The following MAMDC2 variants were observed in gnomAD, a reference collection of about 807,000 sequenced individuals.
MAMDC2 encodes the protein MAM domain containing 2.
Under a neutral mutation model 89.8 loss-of-function variants are expected in MAMDC2, and 57 were observed. That is an observed-to-expected ratio of 0.63 (90% CI 0.51 to 0.79). The LOEUF (loss-of-function observed/expected upper bound fraction) is 0.79. Ranked by LOEUF, MAMDC2 falls within the 30% of genes least tolerant of loss-of-function variation. MAMDC2 has a pLI of 0.00. For missense variants in MAMDC2, 800 were observed against 820.6 expected (o/e 0.97, Z 0.31); for synonymous variants, 313 against 293.4 (o/e 1.07, Z -0.68).
intron 11 of MAMDC2, among the ~76,000 whole-genome samples, chr9:70,213,748 A>G (rs980770616): frequency 2.8e-4 from 4 of 14,128 alleles, no homozygotes; most frequent in African/African-American, 1.6e-3. Flanking sequence ...AAGGTAATGA[A>G]CTCAAAGAAA....
chr9:70,200,659 C>T (rs986763561), intron 11 of MAMDC2, among the ~76,000 whole-genome samples: 23 of 138,276 alleles, frequency 1.7e-4, no homozygotes, highest in African/African-American at 5.1e-4. Context: ...GCCATTTTCA[C>T]GATATTGATT....
chr9:70,198,415 A>G (rs1469767807), intron 11 of MAMDC2, among the ~76,000 whole-genome samples: 1 of 152,068 alleles, frequency 6.6e-6, no homozygotes, highest in African/African-American at 2.4e-5. Context: ...ATATGATACT[A>G]TGCTGTCAGA....
chr9:70,165,846 T>C (rs1057247364), intron 9 of MAMDC2, among the ~76,000 whole-genome samples: 3 of 152,210 alleles, frequency 2.0e-5, no homozygotes, highest in African/African-American at 7.2e-5. Flanking sequence ...CACATGTACC[T>C]AGTGGCTATC....
intron 2 of MAMDC2, among the ~76,000 whole-genome samples, chr9:70,106,731 C>T (rs983762343): frequency 6.6e-6 from 1 of 152,180 alleles, no homozygotes; most frequent in African/African-American, 2.4e-5. Flanking sequence ...GAAGCAATTG[C>T]TATCTGCACC....
intron 7 of MAMDC2, among the ~76,000 whole-genome samples, chr9:70,138,579 G>A (rs1640376171): frequency 6.6e-6 from 1 of 152,014 alleles, no homozygotes; most frequent in African/African-American, 2.4e-5. Context: ...GTTAATTTTT[G>A]TCTTTTTAAT....
intron 11 of MAMDC2, among the ~76,000 whole-genome samples, chr9:70,195,341 G>A (rs898424621): frequency 6.6e-6 from 1 of 151,972 alleles, no homozygotes; most frequent in African/African-American, 2.4e-5. Flanking sequence ...CATCAAAGTG[G>A]GATGGATGCT....
In MAMDC2 at chr9:70,128,451, G is replaced by T. The variant is rs146092067; in HGVS notation, c.900+2036G>T. On this transcript the variant is annotated intron_variant, in intron 6 of 13. Coordinates refer to ENST00000377182, the MANE Select transcript of MAMDC2 (RefSeq NM_153267.5). ...AGACAAACTTCTAGGCTTCCCCGTGGATTTTGGAGAGTTTAGGTACCAGGT... is the reference window on the plus strand; with the variant it reads ...AGACAAACTTCTAGGCTTCCCCGTGTATTTTGGAGAGTTTAGGTACCAGGT... 3.0e-4 allele frequency among the ~76,000 whole-genome samples: 46 copies of T among 152,280 alleles called. No individual in the cohort carries two copies. In the East Asian group the frequency reaches 7.9e-3, roughly 26 times the overall value.
At chr9:70,218,220 C>A in intron 11 of MAMDC2, 117 bp from the exon 12 acceptor site, 1 of 1,141,060 alleles carries the variant, frequency 8.8e-7, no homozygotes, top group East Asian at 2.5e-5. Flanking sequence ...TTATAAAACC[C>A]TTTATCAGTA....
At chr9:70,093,242 G>A (rs1004939855) in intron 2 of MAMDC2, among the ~76,000 whole-genome samples, 5 of 152,174 alleles carry the variant, frequency 3.3e-5, no homozygotes, top group African/African-American at 9.7e-5. Context: ...CCATGCTGAT[G>A]GCAGTGTTCT....
chr9:70,139,287 A>G (rs1160362051), intron 7 of MAMDC2, among the ~76,000 whole-genome samples: 305 of 86,302 alleles, frequency 3.5e-3, no homozygotes, highest in Non-Finnish European at 5.3e-3. Context: ...CCACCCCACA[A>G]CAGTCCCCAG....
chr9:70,219,030 A>G (rs2033504845), intron 12 of MAMDC2, among the ~76,000 whole-genome samples: 1 of 152,092 alleles, frequency 6.6e-6, no homozygotes, highest in Admixed American at 6.5e-5. Context: ...CATGGTCCAG[A>G]GTAAGTTTTG....
chr9:70,143,624 C>T lies in MAMDC2; in HGVS notation c.1209C>T (p.Ser403=), dbSNP rs569647700. The part of the protein sequence containing the change: ...PGYIGRLYGP[S]LPGNLQYCLR... ...ACATTGGAAGGCTCTATGGGCCCTC[C>T]CTACCAGGAAACTTGCAGTATTGTC... Residue 403 remains serine (S), a synonymous_variant, in exon 9 of 14, where the codon TCC becomes TCT. Transcript: ENST00000377182. 28 of 1,614,166 alleles carry T rather than the reference C, an allele frequency of 1.7e-5. No homozygotes were observed. The highest frequency in any genetic ancestry group is 2.4e-5 in the Non-Finnish European group (28 of 1,179,996).
intron 12 of MAMDC2, among the ~76,000 whole-genome samples, chr9:70,221,954 A>G (rs2033574057): frequency 6.6e-6 from 1 of 152,166 alleles, no homozygotes; most frequent in African/African-American, 2.4e-5. Context: ...CTTTAAGGTA[A>G]TATTATCTGA....
chr9:70,163,491 T>C (rs1029173177), intron 9 of MAMDC2, among the ~76,000 whole-genome samples: 4 of 152,026 alleles, frequency 2.6e-5, no homozygotes, highest in South Asian at 2.1e-4. Flanking sequence ...CCTCCCAAAG[T>C]GCTGGGATTA....
Position 70,207,754 on chromosome 9 carries a change from T to C in MAMDC2, c.1652-10583T>C, listed in dbSNP as rs74321935. Among the ~76,000 whole-genome samples the C allele has an allele frequency of 2.5e-3, 378 of 152,354 alleles. 6 individuals are homozygous for C. Among genetic ancestry groups the C allele is most frequent in the Middle Eastern group, 0.01 (3 of 294 alleles). On this transcript the variant is annotated intron_variant, in intron 11 of 13. Transcript: ENST00000377182. ...TGCCTAGGTTTTCTTCTAGGGTTTT[T>C]ATGGTTTTAGGTCTAACATTTAAGT...
chr9:70,045,575 C>T (rs1826727933), intron 2 of MAMDC2, among the ~76,000 whole-genome samples: 1 of 152,132 alleles, frequency 6.6e-6, no homozygotes, highest in East Asian at 1.9e-4. Flanking sequence ...TCCTTCCCCA[C>T]TCAATTGTCC....
chr9:70,179,791 A>AT (rs933969499), intron 11 of MAMDC2, among the ~76,000 whole-genome samples: 1 of 92,974 alleles, frequency 1.1e-5, no homozygotes, highest in Non-Finnish European at 2.2e-5. Flanking sequence ...CTAGCAAAAA[A>AT]AAAATACACT....
At chr9:70,144,617 A>G (rs1330013561) in intron 9 of MAMDC2, among the ~76,000 whole-genome samples, 2 of 152,240 alleles carry the variant, frequency 1.3e-5, no homozygotes, top group African/African-American at 2.4e-5. Flanking sequence ...AAAGAAAAAT[A>G]AGAAAGTGCT....
At chr9:70,212,998 T>G (rs888165221) in intron 11 of MAMDC2, among the ~76,000 whole-genome samples, 17 of 152,262 alleles carry the variant, frequency 1.1e-4, no homozygotes, top group Middle Eastern at 3.4e-3. Context: ...AGACTAGTGC[T>G]TCACCCTCAC....
Sources: allele counts gnomAD v4.1 joint callset (sites outside exome capture counted in the v4.1 genomes callset), GRCh38; gene constraint gnomAD v4.1.1; transcripts MANE v1.5; gene names NCBI Gene and HGNC (gene_info 2026-07-23, HGNC 2026-07-21).